Variants in LRRC1 observed in about 807,000 individuals in gnomAD.
The protein encoded by LRRC1 is leucine-rich repeat-containing protein 1.
A neutral mutation model predicts 69.9 loss-of-function variants in LRRC1; 28 were observed. The observed-to-expected ratio is 0.40, with a 90% CI of 0.30 to 0.55. LRRC1 has a LOEUF of 0.55. Among genes scored for constraint, LRRC1 ranks in the 20% least tolerant of loss-of-function variants. The probability of loss-of-function intolerance (pLI) is 0.47; values close to 1 mark genes in which losing one functional copy is unlikely to be tolerated. For synonymous variants in LRRC1, 236 were observed against 240.2 expected (o/e 0.98, Z 0.16); for missense variants, 498 against 609.0 (o/e 0.82, Z 1.92).
At chr6:53,843,436 A>G (rs1054618979) in intron 2 of LRRC1, among the ~76,000 whole-genome samples, 3 of 152,216 alleles carry the variant, frequency 2.0e-5, no homozygotes, top group Non-Finnish European at 4.4e-5. Flanking sequence ...AACTTCTAAT[A>G]GGTTTTAAAT....
chr6:53,831,954 C>A (rs4254992), intron 1 of LRRC1, among the ~76,000 whole-genome samples: 38,883 of 151,984 alleles, frequency 0.26, 5,106 homozygotes, highest in African/African-American at 0.26. Context: ...ATCAGTGTTG[C>A]CTATGTGAGT....
rs1765959274 is a variant in LRRC1, at chr6:53,846,727, G to A, written c.277+4500G>A. On this transcript the variant is annotated intron_variant, in intron 2 of 13. Transcript: ENST00000370888. ...GCTGGTAACATTTTGTCTACAAAAA[G>A]TGTACAGACTTAGAATTAAGTTCTG... Among the ~76,000 whole-genome samples the A allele has an allele frequency of 2.0e-5, 3 of 152,352 alleles. No homozygotes were observed. The South Asian group carries it at 6.2e-4, about 32-fold the overall frequency.
At chr6:53,818,967 C>A (rs182346242) in intron 1 of LRRC1, among the ~76,000 whole-genome samples, 3 of 152,274 alleles carry the variant, frequency 2.0e-5, no homozygotes, top group Admixed American at 1.3e-4. Context: ...GAGGCACTGA[C>A]CCTCATAAGA....
At chr6:53,867,665 T>C (rs1766746089) in intron 2 of LRRC1, among the ~76,000 whole-genome samples, 1 of 151,550 alleles carries the variant, frequency 6.6e-6, no homozygotes, top group South Asian at 2.1e-4. Context: ...TTTTTATTAT[T>C]TTTTTTAACC....
Position 53,812,563 on chromosome 6 carries a change from G to A in LRRC1, c.159+17148G>A, listed in dbSNP as rs113074666. On this transcript the variant is annotated intron_variant, in intron 1 of 13. Transcript: ENST00000370888. ...AAATCAGCCGGGCGTGGTGGCGGGC[G>A]CCTGTAGTCCCAGCTACTCGGGAGG... Among the ~76,000 whole-genome samples, 551 of 151,622 alleles carry A rather than the reference G, an allele frequency of 3.6e-3. 4 individuals are homozygous for A. The highest frequency in any genetic ancestry group is 0.013 in the African/African-American group (531 of 41,316).
At chr6:53,867,992 T>A (rs879348760) in intron 2 of LRRC1, among the ~76,000 whole-genome samples, 7 of 152,064 alleles carry the variant, frequency 4.6e-5, no homozygotes, top group Admixed American at 2.6e-4. Flanking sequence ...TCACCTTATG[T>A]AAAAGCTTGA....
intron 2 of LRRC1, among the ~76,000 whole-genome samples, chr6:53,846,944 A>G (rs945640216): frequency 6.6e-5 from 10 of 152,212 alleles, no homozygotes; most frequent in Non-Finnish European, 1.0e-4. Flanking sequence ...TTCCTGCCTC[A>G]AGGGTTAGTA....
rs967433397 is a variant in LRRC1 at position 53,923,043 on chromosome 6, A to G, written c.*250A>G. ...TTGTTTGTAATAAGTAGAATACACT[A>G]CTGTAAACATACGACCTTTGTTTTT... On this transcript the variant is annotated 3_prime_UTR_variant, in exon 14 of 14. Transcript: ENST00000370888. 2 of 356,740 alleles carry G rather than the reference A, an allele frequency of 5.6e-6. No homozygotes were observed. The highest frequency in any genetic ancestry group is 2.1e-5 in the African/African-American group (1 of 48,352). 22.1% of individuals were successfully genotyped at this position (356,740 alleles called of 1,614,324 possible).
At chr6:53,885,092 G>C (rs1293615627) in intron 4 of LRRC1, among the ~76,000 whole-genome samples, 1 of 152,224 alleles carries the variant, frequency 6.6e-6, no homozygotes, top group Non-Finnish European at 1.5e-5. Context: ...GCAAGAAACT[G>C]TGATTTCTTC....
chr6:53,908,006 G>A (rs1248862515), intron 10 of LRRC1, among the ~76,000 whole-genome samples: 1 of 152,046 alleles, frequency 6.6e-6, no homozygotes, highest in Non-Finnish European at 1.5e-5. Context: ...ACTTATTTGT[G>A]TCTTTTATTT....
chr6:53,895,085 T>G (rs1361062582), intron 4 of LRRC1, among the ~76,000 whole-genome samples: 1 of 151,740 alleles, frequency 6.6e-6, no homozygotes, highest in Non-Finnish European at 1.5e-5. Context: ...GCCCGGCTAA[T>G]TTTTTGTATT....
chr6:53,900,025 T>A, intron 8 of LRRC1, 134 bp downstream of exon 8: 1 of 135,476 alleles, frequency 7.4e-6, no homozygotes, highest in Non-Finnish European at 1.1e-5. Context: ...TTACTGTTTT[T>A]TTTTTTTTTT....
intron 1 of LRRC1, among the ~76,000 whole-genome samples, chr6:53,824,651 T>A (rs1765206919): frequency 6.6e-6 from 1 of 152,146 alleles, no homozygotes; most frequent in Admixed American, 6.5e-5. Context: ...AAACCTGAGG[T>A]TTGCTTTTCT....
chr6:53,861,534 A>G (rs1766521445), intron 2 of LRRC1, among the ~76,000 whole-genome samples: 2 of 151,078 alleles, frequency 1.3e-5, no homozygotes, highest in African/African-American at 4.9e-5. Context: ...AGCGGGTCAG[A>G]TGATTCTTTT....
intron 10 of LRRC1, among the ~76,000 whole-genome samples, chr6:53,906,008 G>A (rs1262847318): frequency 6.6e-6 from 1 of 152,120 alleles, no homozygotes; most frequent in African/African-American, 2.4e-5. Flanking sequence ...GCTTGCAGAT[G>A]GATAGTAGAT....
At chr6:53,859,943 A>C (rs1431079667) in intron 2 of LRRC1, among the ~76,000 whole-genome samples, 1 of 152,238 alleles carries the variant, frequency 6.6e-6, no homozygotes, top group East Asian at 1.9e-4. Context: ...GCTGGTCACA[A>C]CCATAGCCAA....
chr6:53,858,370 C>T (rs1484754100), intron 2 of LRRC1, among the ~76,000 whole-genome samples: 1 of 152,130 alleles, frequency 6.6e-6, no homozygotes, highest in Non-Finnish European at 1.5e-5. Flanking sequence ...CAGACTCTCC[C>T]TGCCCTGGTG....
intron 3 of LRRC1, among the ~76,000 whole-genome samples, chr6:53,880,904 A>G (rs1767269471): frequency 6.6e-6 from 1 of 152,174 alleles, no homozygotes; most frequent in African/African-American, 2.4e-5. Context: ...CAAGCTGGGA[A>G]ATACTCGTTA....
At chr6:53,920,972 T>TC (rs1768723317) in intron 13 of LRRC1, among the ~76,000 whole-genome samples, 2 of 151,334 alleles carry the variant, frequency 1.3e-5, no homozygotes, top group South Asian at 2.1e-4. Flanking sequence ...TTTTTTTTTT[T>TC]CTTCTTCTTT....
Sources: allele counts gnomAD v4.1 joint callset (sites outside exome capture counted in the v4.1 genomes callset), GRCh38; gene constraint gnomAD v4.1.1; transcripts MANE v1.5; gene names NCBI Gene and HGNC (gene_info 2026-07-23, HGNC 2026-07-21).